The following HYDIN variants were observed in gnomAD, a reference collection of about 807,000 sequenced individuals.
HYDIN encodes the protein axonemal central pair apparatus protein HYDIN.
Under a neutral mutation model 403.9 loss-of-function variants are expected in HYDIN, and 132 were observed. The observed-to-expected ratio is 0.33, with a 90% confidence interval of 0.28 to 0.38. The LOEUF (loss-of-function observed/expected upper bound fraction) is 0.38, where lower values mean the gene tolerates loss of function less well. Ranked by LOEUF, HYDIN falls within the 10% of genes least tolerant of loss-of-function variation. The pLI is 1.00. For synonymous variants in HYDIN, 1,202 were observed against 1,891.7 expected, an observed-to-expected ratio of 0.64 and a Z score of 9.46; for missense variants, 2,827 against 5,009.5, an observed-to-expected ratio of 0.56 and a Z score of 13.15.
rs561084401 is a variant in HYDIN at position 70,962,916 on chromosome 16, C to T, written c.5789-778G>A. Among the ~76,000 whole-genome samples the T allele has an allele frequency of 2.2e-4, 33 of 149,972 alleles. No homozygotes were observed. In the East Asian group the frequency reaches 4.7e-3, roughly 22 times the overall value. Reference sequence around the variant, plus strand: ...GAGTAGACAAAGCTCATCAGAGAGGCACTGGTGAGAAGCAGGGCGTGTGCC... The same window carrying T: ...GAGTAGACAAAGCTCATCAGAGAGGTACTGGTGAGAAGCAGGGCGTGTGCC... On this transcript the variant is annotated intron_variant, in intron 37 of 85. Transcript: ENST00000393567.
chr16:70,892,588 G>C (rs2041536466), intron 55 of HYDIN, 59 bp from the exon 56 acceptor site: 15 of 1,554,116 alleles, frequency 9.7e-6, no homozygotes, highest in Non-Finnish European at 1.3e-5. Context: ...CAAGATCCCA[G>C]AGAGGAGACT....
At chr16:71,163,632 C>T (rs982806417) in intron 5 of HYDIN, among the ~76,000 whole-genome samples, 4 of 152,128 alleles carry the variant, frequency 2.6e-5, no homozygotes, top group Non-Finnish European at 5.9e-5. Flanking sequence ...TGTGAACAAG[C>T]CTGGTCCAGC....
intron 10 of HYDIN, among the ~76,000 whole-genome samples, chr16:71,110,490 A>G (rs2083787572): frequency 7.0e-6 from 1 of 142,946 alleles, no homozygotes; most frequent in Admixed American, 7.2e-5. Context: ...TATATAATAT[A>G]TATATTTCAT....
chr16:70,893,377 T>C (rs532250690), intron 55 of HYDIN, among the ~76,000 whole-genome samples: 124 of 152,222 alleles, frequency 8.1e-4, no homozygotes, highest in African/African-American at 2.8e-3. Context: ...AGGAGAACTT[T>C]CCATGGAATG....
chr16:71,043,872 T>C (rs1211489003), intron 18 of HYDIN, among the ~76,000 whole-genome samples: 1 of 151,326 alleles, frequency 6.6e-6, no homozygotes, highest in African/African-American at 2.4e-5. Context: ...GAGGATTATT[T>C]CAGCCCAGGA....
At chr16:71,078,825 C>G (rs140127096) in intron 13 of HYDIN, among the ~76,000 whole-genome samples, 2,908 of 152,236 alleles carry the variant, frequency 0.019, 66 homozygotes, top group African/African-American at 0.064. Flanking sequence ...TTGATGTTGC[C>G]CAGATTTGCT....
At chr16:71,082,015 A>G in intron 12 of HYDIN, among the ~76,000 whole-genome samples, 1 of 145,072 alleles carries the variant, frequency 6.9e-6, no homozygotes, top group Non-Finnish European at 1.5e-5. Context: ...AGAAAGAGTG[A>G]AAGTATAATA....
At chr16:71,178,374 G>A (rs530293850) in intron 4 of HYDIN, among the ~76,000 whole-genome samples, 4 of 144,792 alleles carry the variant, frequency 2.8e-5, no homozygotes, top group South Asian at 2.2e-4. Context: ...AGCCGAGATC[G>A]TACCATTGCA....
chr16:71,183,628 A>G (rs1055957841), intron 3 of HYDIN, among the ~76,000 whole-genome samples: 1 of 152,124 alleles, frequency 6.6e-6, no homozygotes, highest in Admixed American at 6.5e-5. Flanking sequence ...CTGTTATGAA[A>G]ATTTGTGGCC....
intron 55 of HYDIN, 109 bp from the exon 56 acceptor site, chr16:70,892,638 A>G: frequency 9.4e-7 from 1 of 1,069,124 alleles, no homozygotes; most frequent in Non-Finnish European, 1.3e-6. Flanking sequence ...AGCCCTGTTT[A>G]GCCACTACGT....
intron 23 of HYDIN, among the ~76,000 whole-genome samples, chr16:71,001,039 C>T (rs953504479): frequency 7.1e-6 from 1 of 140,260 alleles, no homozygotes; most frequent in Non-Finnish European, 1.5e-5. Flanking sequence ...CAGTTTCAGT[C>T]AAGTGAGGAG....
intron 1 of HYDIN, among the ~76,000 whole-genome samples, chr16:71,198,322 G>C (rs1205155282): frequency 6.6e-6 from 1 of 152,074 alleles, no homozygotes; most frequent in Non-Finnish European, 1.5e-5. Flanking sequence ...ATGATGCTAT[G>C]AACATTTTTG....
At chr16:71,201,190 C>A (rs2087988970) in intron 1 of HYDIN, among the ~76,000 whole-genome samples, 1 of 152,132 alleles carries the variant, frequency 6.6e-6, no homozygotes, top group Admixed American at 6.5e-5. Flanking sequence ...GTCTTCCTTC[C>A]CTACCAGAGA....
rs745528342 is a variant in HYDIN, at chr16:70,981,543, T to C, written c.4358A>G (p.Gln1453Arg). 5.6e-6 allele frequency: 9 copies of C among 1,612,098 alleles called. No individual in the cohort carries two copies. The highest frequency in any genetic ancestry group is 6.8e-6 in the Non-Finnish European group (8 of 1,179,296). ...VSGFISSHQE[Q>R]VLKVYYLPGV... ...AGGTAGGTAGTAAACTTTTAATACCTGCTCTTGATGTGAACTGATAAAGCC... is the reference window on the plus strand; with the variant it reads ...AGGTAGGTAGTAAACTTTTAATACCCGCTCTTGATGTGAACTGATAAAGCC... The change falls in exon 29 of 86, where the codon CAG becomes CGG. Residue 1453 changes from glutamine (Q) to arginine (R), a missense_variant. Gln to Arg is a conservative substitution (Grantham distance 43). Transcript: ENST00000393567.
At chr16:70,927,761 C>T (rs1818199) in intron 45 of HYDIN, among the ~76,000 whole-genome samples, 3 of 152,012 alleles carry the variant, frequency 2.0e-5, no homozygotes, top group Non-Finnish European at 2.9e-5. Context: ...ACAATCATGC[C>T]GACAGCCGAC....
At chr16:70,897,599 C>T (rs1774445) in intron 53 of HYDIN, among the ~76,000 whole-genome samples, 12,631 of 126,314 alleles carry the variant, frequency 0.1, 1,655 homozygotes, top group African/African-American at 0.34. Context: ...TTCTATTTCT[C>T]GGCTTCCCCA....
chr16:70,949,020 G>C (rs1212094344), intron 41 of HYDIN, among the ~76,000 whole-genome samples: 1 of 150,534 alleles, frequency 6.6e-6, no homozygotes, highest in Non-Finnish European at 1.5e-5. Flanking sequence ...TATGTTTATT[G>C]CGGCACTACT....
chr16:71,078,329 C>G (rs2082679375), intron 13 of HYDIN, among the ~76,000 whole-genome samples: 1 of 152,038 alleles, frequency 6.6e-6, no homozygotes, highest in Non-Finnish European at 1.5e-5. Flanking sequence ...TTTTTCTATT[C>G]AGGTTTTCTA....
chr16:71,208,851 A>C (rs1368380028), intron 1 of HYDIN, among the ~76,000 whole-genome samples: 1 of 152,192 alleles, frequency 6.6e-6, no homozygotes, highest in African/African-American at 2.4e-5. Flanking sequence ...TCAGGGAGAA[A>C]TTGAATCCCT....
Sources: gnomAD v4.1 joint callset for allele counts (sites outside exome capture counted in the v4.1 genomes callset) on GRCh38, gnomAD v4.1.1 for gene constraint, MANE v1.5 for transcripts, NCBI Gene and HGNC (gene_info 2026-07-23, HGNC 2026-07-21) for gene names.